NRXN3: variants seen among roughly 807,000 people sequenced by gnomAD.
The protein encoded by NRXN3 is neurexin 3, also known as neurexin III.
In NRXN3, 32 loss-of-function variants were observed where a neutral mutation model predicts 137.6. That is an observed-to-expected ratio of 0.23 (90% CI 0.18 to 0.31). The LOEUF (loss-of-function observed/expected upper bound fraction) is 0.31, where lower values mean the gene tolerates loss of function less well. Ranked by LOEUF, NRXN3 falls within the 10% of genes least tolerant of loss-of-function variation. The pLI is 1.00. For missense variants in NRXN3, 1,574 were observed against 2,062.5 expected (o/e 0.76, Z 4.59); for synonymous variants, 798 against 784.5 (o/e 1.02, Z -0.29).
intron 1 of NRXN3, among the ~76,000 whole-genome samples, chr14:78,193,761 C>CAAAAA (rs375804646): frequency 0.013 from 1,429 of 108,794 alleles, 22 homozygotes; most frequent in African/African-American, 0.015. Flanking sequence ...AACTCTGTCT[C>CAAAAA]AAAAAAAAAA....
At chr14:78,965,414 A>G (rs1249412091) in intron 11 of NRXN3, among the ~76,000 whole-genome samples, 2 of 152,182 alleles carry the variant, frequency 1.3e-5, no homozygotes, top group Non-Finnish European at 2.9e-5. Context: ...TTAGGGGGGT[A>G]AAGTACATTG....
intron 1 of NRXN3, among the ~76,000 whole-genome samples, chr14:78,220,011 C>T (rs185886667): frequency 2.0e-5 from 3 of 152,102 alleles, no homozygotes; most frequent in Admixed American, 2.0e-4. Context: ...AGCATCAGAA[C>T]ATAAGAAAAT....
At chr14:79,481,678 A>G (rs1329479148) in intron 16 of NRXN3, among the ~76,000 whole-genome samples, 1 of 152,234 alleles carries the variant, frequency 6.6e-6, no homozygotes, top group Non-Finnish European at 1.5e-5. Context: ...AAGACAGGTG[A>G]ATTGCAGTAG....
chr14:78,218,403 T>C (rs139232730), intron 1 of NRXN3, among the ~76,000 whole-genome samples: 1 of 152,136 alleles, frequency 6.6e-6, no homozygotes, highest in Non-Finnish European at 1.5e-5. Context: ...AAAAAATTAA[T>C]CTTATGTCCT....
At chr14:79,719,251 ATG>A (rs4016617) in intron 19 of NRXN3, among the ~76,000 whole-genome samples, 57,596 of 148,810 alleles carry the variant, frequency 0.39, 11,780 homozygotes, top group East Asian at 0.74. Context: ...ATAGACATAT[ATG>A]TGTGTGTGTG....
At chr14:79,199,292 G>C (rs1052416297) in intron 15 of NRXN3, among the ~76,000 whole-genome samples, 7 of 147,174 alleles carry the variant, frequency 4.8e-5, no homozygotes, top group Admixed American at 4.1e-4. Context: ...ATTTCCTCTC[G>C]TGCCTTTCCA....
intron 4 of NRXN3, among the ~76,000 whole-genome samples, chr14:78,469,856 G>T (rs909555580): frequency 6.6e-5 from 10 of 152,142 alleles, no homozygotes; most frequent in African/African-American, 2.4e-4. Flanking sequence ...TGTTTTCCTT[G>T]ATTGGAAAGC....
intron 4 of NRXN3, among the ~76,000 whole-genome samples, chr14:78,475,610 C>G (rs2110425): frequency 0.037 from 5,660 of 152,242 alleles, 111 homozygotes; most frequent in Middle Eastern, 0.054. Context: ...TAGAGCACAG[C>G]CAAAGCCTAC....
chr14:79,037,771 T>C (rs2099618509), intron 15 of NRXN3, among the ~76,000 whole-genome samples: 2 of 152,086 alleles, frequency 1.3e-5, no homozygotes, highest in Non-Finnish European at 2.9e-5. Context: ...TGACGGGAGA[T>C]GAAGGGTTGT....
intron 4 of NRXN3, among the ~76,000 whole-genome samples, chr14:78,407,102 A>T (rs1049465522): frequency 6.6e-6 from 1 of 152,292 alleles, no homozygotes; most frequent in African/African-American, 2.4e-5. Flanking sequence ...CTACCAACTC[A>T]TGCCTAGGTT....
chr14:79,427,246 A>AG lies in NRXN3; in HGVS notation c.3263-39974dup, dbSNP rs570327970. ...ACTGTAAAAGTCTGTGAGGGTCTCTAGTGTACCAGATGAAAAGCAGAAACT... is the reference window on the plus strand; with the variant it reads ...ACTGTAAAAGTCTGTGAGGGTCTCTAGGTGTACCAGATGAAAAGCAGAAACT... On this transcript the variant is annotated intron_variant, in intron 15 of 20. Transcript: ENST00000335750. Among the ~76,000 whole-genome samples, 101 of 152,298 alleles carry AG rather than the reference A, an allele frequency of 6.6e-4. No individual in the cohort carries two copies. The Middle Eastern group carries it at 0.017, about 26-fold the overall frequency.
chr14:79,813,014 T>C (rs1161744065), intron 20 of NRXN3, among the ~76,000 whole-genome samples: 5 of 152,214 alleles, frequency 3.3e-5, no homozygotes, highest in African/African-American at 1.2e-4. Flanking sequence ...ATATATGATA[T>C]GCACATATGC....
At chr14:78,346,811 A>C (rs1233598058) in intron 4 of NRXN3, among the ~76,000 whole-genome samples, 2 of 152,186 alleles carry the variant, frequency 1.3e-5, no homozygotes, top group African/African-American at 4.8e-5. Flanking sequence ...GGAGACAATG[A>C]AAATCTCTAC....
rs185001935 is a variant in NRXN3, at chr14:79,497,983, G to A, written c.3444+30581G>A. Among the ~76,000 whole-genome samples the A allele has an allele frequency of 5.9e-5, 9 of 152,182 alleles. No homozygotes were observed. In the East Asian group the frequency reaches 7.8e-4, roughly 13 times the overall value. ...CAGGATGCAGAGGTTGTGGTGAGCC[G>A]AGATCATGCCACTGCACTCCAGCCT... is the stretch of plus-strand genomic sequence containing the variant. On this transcript the variant is annotated intron_variant, in intron 16 of 20. Transcript: ENST00000335750.
chr14:78,794,259 G>A (rs958395846), intron 8 of NRXN3, among the ~76,000 whole-genome samples: 1 of 152,134 alleles, frequency 6.6e-6, no homozygotes, highest in East Asian at 1.9e-4. Context: ...GCATGTGCCT[G>A]TAGTTCCAGC....
Position 79,697,754 on chromosome 14 carries a change from G to A in NRXN3, c.3831G>A (p.Ala1277=), listed in dbSNP as rs770465201. The A allele has an allele frequency of 6.0e-5, 97 of 1,612,896 alleles. No individual in the cohort carries two copies. The highest frequency in any genetic ancestry group is 2.6e-4 in the South Asian group (24 of 91,066). ...ATGGTTTGAAAGTACTGAACATGGC[G>A]GCTGAGAACAACCCCAATATTAAAA... ...YYDGLKVLNM[A]AENNPNIKIN... Residue 1277 remains alanine, a synonymous_variant, in exon 19 of 21, where the codon GCG becomes GCA. Coordinates refer to ENST00000335750, the MANE Select transcript of NRXN3 (RefSeq NM_001330195.2).
intron 16 of NRXN3, among the ~76,000 whole-genome samples, chr14:79,656,339 C>T (rs1286465501): frequency 6.6e-6 from 1 of 152,114 alleles, no homozygotes; most frequent in Non-Finnish European, 1.5e-5. Context: ...AGGGCTGGGG[C>T]ACCTATGGAA....
intron 6 of NRXN3, among the ~76,000 whole-genome samples, chr14:78,688,904 T>A (rs1567063794): frequency 1.3e-5 from 2 of 151,888 alleles, no homozygotes; most frequent in Non-Finnish European, 2.9e-5. Flanking sequence ...AAAAGCAGAT[T>A]ATGTCCTAGA....
intron 15 of NRXN3, among the ~76,000 whole-genome samples, chr14:79,315,788 G>T (rs1166369969): frequency 6.6e-6 from 1 of 152,134 alleles, no homozygotes; most frequent in African/African-American, 2.4e-5. Flanking sequence ...AGCCTAGCCA[G>T]AACGAGCTAC....
Sources: gnomAD v4.1 joint callset for allele counts (sites outside exome capture counted in the v4.1 genomes callset) on GRCh38, gnomAD v4.1.1 for gene constraint, MANE v1.5 for transcripts, NCBI Gene and HGNC (gene_info 2026-07-23, HGNC 2026-07-21) for gene names.